CHN2: variants seen among roughly 807,000 people sequenced by gnomAD.
CHN2 encodes the protein beta-chimaerin.
In CHN2, 35 loss-of-function variants were observed where a neutral mutation model predicts 56.3. The ratio of observed to expected loss-of-function variants is 0.62; its 90% CI spans 0.47 to 0.82. The LOEUF is 0.82. Ranked by LOEUF, CHN2 falls within the 40% of genes least tolerant of loss-of-function variation. CHN2 has a pLI of 0.00. For missense variants in CHN2, 491 were observed against 580.5 expected (o/e 0.85, Z 1.58); for synonymous variants, 210 against 212.8 (o/e 0.99, Z 0.12).
intron 6 of CHN2, among the ~76,000 whole-genome samples, chr7:29,442,292 A>G (rs1441076574): frequency 6.6e-6 from 1 of 152,178 alleles, no homozygotes; most frequent in Non-Finnish European, 1.5e-5. Flanking sequence ...TCATGACTCA[A>G]ATGGGTGCAT....
intron 1 of CHN2, among the ~76,000 whole-genome samples, chr7:29,268,271 C>T (rs902076168): frequency 2.6e-4 from 35 of 134,944 alleles, no homozygotes; most frequent in Non-Finnish European, 4.9e-4. Context: ...CCTTCATCCA[C>T]GGCTTCACCA....
At chr7:29,473,214 C>T (rs1397620149) in intron 6 of CHN2, among the ~76,000 whole-genome samples, 2 of 152,248 alleles carry the variant, frequency 1.3e-5, no homozygotes, top group East Asian at 3.9e-4. Flanking sequence ...GAAACATGAT[C>T]ATATTTTGTG....
intron 6 of CHN2, among the ~76,000 whole-genome samples, chr7:29,417,108 C>T (rs1006407175): frequency 3.9e-5 from 6 of 152,224 alleles, no homozygotes; most frequent in African/African-American, 1.4e-4. Context: ...CTCCTTCTGG[C>T]TCCCCTGCCA....
intron 4 of CHN2, among the ~76,000 whole-genome samples, chr7:29,394,359 G>A (rs1251120119): frequency 2.0e-5 from 3 of 152,198 alleles, no homozygotes; most frequent in Non-Finnish European, 4.4e-5. Context: ...GGCAGAACGG[G>A]CCAGGGGAGA....
chr7:29,282,244 T>G (rs1484595238), intron 1 of CHN2, among the ~76,000 whole-genome samples: 1 of 152,208 alleles, frequency 6.6e-6, no homozygotes, highest in Non-Finnish European at 1.5e-5. Context: ...TTGAGATAGC[T>G]CCTCAGTTCA....
intron 7 of CHN2, among the ~76,000 whole-genome samples, chr7:29,482,160 ACC>A (rs1437233918): frequency 2.0e-5 from 3 of 152,230 alleles, no homozygotes; most frequent in Admixed American, 2.0e-4. Context: ...AAAGCTATTC[ACC>A]GTTAACAGCT....
At chr7:29,472,315 G>A (rs181476970) in intron 6 of CHN2, among the ~76,000 whole-genome samples, 158 of 80,100 alleles carry the variant, frequency 2.0e-3, no homozygotes, top group African/African-American at 4.8e-3. Context: ...ACACACATTA[G>A]ACACAGAAAT....
chr7:29,510,531 A>T (rs1042631341), intron 12 of CHN2, among the ~76,000 whole-genome samples: 2 of 152,152 alleles, frequency 1.3e-5, no homozygotes, highest in African/African-American at 4.8e-5. Context: ...CAGTTCCTTA[A>T]AGGCTGTTGG....
At chr7:29,381,264 G>A (rs1800474164) in intron 3 of CHN2, among the ~76,000 whole-genome samples, 1 of 152,112 alleles carries the variant, frequency 6.6e-6, no homozygotes, top group Non-Finnish European at 1.5e-5. Flanking sequence ...TGGCTTGATG[G>A]GAGAAAACAT....
intron 1 of CHN2, among the ~76,000 whole-genome samples, chr7:29,280,371 G>A (rs963890683): frequency 2.0e-4 from 21 of 105,244 alleles, no homozygotes; most frequent in Admixed American, 3.3e-4. Context: ...GTGACAGAGC[G>A]AGGCTCCGTC....
chr7:29,377,648 TGG>T (rs1800175471), intron 3 of CHN2, among the ~76,000 whole-genome samples: 2 of 51,422 alleles, frequency 3.9e-5, no homozygotes, highest in Non-Finnish European at 9.9e-5. Context: ...CCAGAGCAGG[TGG>T]TTTGGGCAAG....
At chr7:29,309,413 T>C (rs1379897955) in intron 1 of CHN2, among the ~76,000 whole-genome samples, 1 of 152,164 alleles carries the variant, frequency 6.6e-6, no homozygotes, top group Non-Finnish European at 1.5e-5. Context: ...CCTTCTCCAC[T>C]CATAGAGGAC....
intron 1 of CHN2, among the ~76,000 whole-genome samples, chr7:29,252,578 G>GTTTTTTTTTT (rs545289689): frequency 0.021 from 413 of 19,474 alleles, 152 homozygotes; most frequent in Non-Finnish European, 0.028. Flanking sequence ...TGCATTCTTT[G>GTTTTTTTTTT]TTTTTTTTTT....
chr7:29,230,412 C>T (rs1786581026), intron 1 of CHN2, among the ~76,000 whole-genome samples: 1 of 152,184 alleles, frequency 6.6e-6, no homozygotes, highest in Admixed American at 6.5e-5. Flanking sequence ...GTGATCTCAG[C>T]TCACTGCAGC....
intron 3 of CHN2, among the ~76,000 whole-genome samples, chr7:29,391,530 C>A (rs1801372598): frequency 6.6e-6 from 1 of 152,208 alleles, no homozygotes; most frequent in African/African-American, 2.4e-5. Context: ...CTCTTCCATG[C>A]CTGTCCCACA....
chr7:29,367,590 A>C (rs1799263657), intron 2 of CHN2, among the ~76,000 whole-genome samples: 1 of 152,208 alleles, frequency 6.6e-6, no homozygotes, highest in Admixed American at 6.5e-5. Flanking sequence ...CTACTCAGGT[A>C]CTCACAAGTA....
At chr7:29,197,986 AAGTTCATGGCATT>A in intron 1 of CHN2, 1 of 456,282 alleles carries the variant, frequency 2.2e-6, no homozygotes, top group Non-Finnish European at 4.4e-6. Context: ...GGAGATGGGT[AAGTTCATGGCATT>A]ATTTTGACTT....
intron 2 of CHN2, among the ~76,000 whole-genome samples, chr7:29,366,939 A>G (rs1799210981): frequency 6.6e-6 from 1 of 152,254 alleles, no homozygotes; most frequent in Non-Finnish European, 1.5e-5. Flanking sequence ...AGACCTAAAA[A>G]TAGATCAGAA....
At chr7:29,165,249 A>C (rs1795758941) in intron 2 of CHN2, among the ~76,000 whole-genome samples, 1 of 152,156 alleles carries the variant, frequency 6.6e-6, no homozygotes, top group Non-Finnish European at 1.5e-5. Context: ...AAGGTCTTGC[A>C]TAAGTTTTCT....
Sources: gnomAD v4.1 joint callset for allele counts (sites outside exome capture counted in the v4.1 genomes callset) on GRCh38, gnomAD v4.1.1 for gene constraint, MANE v1.5 for transcripts, NCBI Gene and HGNC (gene_info 2026-07-23, HGNC 2026-07-21) for gene names.